The following SETD4 variants were observed in gnomAD, a reference collection of about 807,000 sequenced individuals.
The protein encoded by SETD4 is SET domain containing 4, also known as SET domain-containing protein 4.
A neutral mutation model predicts 58.3 loss-of-function variants in SETD4; 46 were observed. That is an observed-to-expected ratio of 0.79 (90% CI 0.62 to 1.01). SETD4 has a LOEUF of 1.01. Ranked by LOEUF, SETD4 falls within the 50% of genes least tolerant of loss-of-function variation. The probability of loss-of-function intolerance (pLI) is 0.00; values close to 1 mark genes in which losing one functional copy is unlikely to be tolerated. For synonymous variants in SETD4, 190 were observed against 202.6 expected, an observed-to-expected ratio of 0.94 and a Z score of 0.53; for missense variants, 490 against 523.3, an observed-to-expected ratio of 0.94 and a Z score of 0.62.
At chr21:36,050,663 A>G (rs1407181205) in intron 4 of SETD4, 4 of 1,601,086 alleles carry the variant, frequency 2.5e-6, no homozygotes, top group African/African-American at 1.3e-5. Flanking sequence ...ATGAAGCTCA[A>G]GTACCGGAGT....
chr21:36,054,932 T>C (rs2064909454), intron 3 of SETD4, among the ~76,000 whole-genome samples: 1 of 151,846 alleles, frequency 6.6e-6, no homozygotes, highest in African/African-American at 2.4e-5. Context: ...TCCTGGCTCA[T>C]GGTGGGAATT....
chr21:36,037,090 G>C (rs146636621), intron 10 of SETD4, among the ~76,000 whole-genome samples: 334 of 152,248 alleles, frequency 2.2e-3, no homozygotes, highest in African/African-American at 7.6e-3. Context: ...AGAGGATTAA[G>C]TTCAAGAGAT....
chr21:36,057,142 G>A lies in SETD4; in HGVS notation c.136C>T (p.Gln46Ter). The change falls in exon 3 of 12, where the codon CAA (glutamine) becomes TAA (stop). Residue 46 changes from glutamine (Q) to a stop codon, truncating the protein, a stop_gained. Coordinates refer to ENST00000332131, the MANE Select transcript of SETD4 (RefSeq NM_017438.5). LOFTEE classifies it high-confidence loss of function. ...LRKWLKARKFQDSNLAPACFP... is the reference protein window; with the variant it reads ...LRKWLKARKF Reference sequence around the variant, plus strand: ...CAAGCAGGCGCTAAGTTTGAATCTTGAAACTTCCTAGCTTTCAGCCACTTC... The same window carrying A: ...CAAGCAGGCGCTAAGTTTGAATCTTAAAACTTCCTAGCTTTCAGCCACTTC... 1.2e-6 allele frequency: 2 copies of A among 1,614,168 alleles called. No individual in the cohort carries two copies. The highest frequency in any genetic ancestry group is 2.2e-5 in the South Asian group (2 of 91,082).
chr21:36,055,666 C>G (rs1048881749), intron 3 of SETD4, among the ~76,000 whole-genome samples: 1 of 152,210 alleles, frequency 6.6e-6, no homozygotes, highest in Non-Finnish European at 1.5e-5. Flanking sequence ...GAAGCACTTA[C>G]AGAAGGTTCC....
At position 36,060,108 on chromosome 21, in the gene SETD4, T is replaced by A. The variant is rs1042628884; in HGVS notation, c.-37+239A>T. 3.4e-5 allele frequency: 34 copies of A among 985,578 alleles called. No homozygotes were observed. The East Asian group carries it at 3.2e-3, about 92-fold the overall frequency. 61.1% of individuals were successfully genotyped at this position (985,578 alleles called of 1,614,324 possible). A position where few individuals can be genotyped will look rare whatever the true frequency, so the allele number is the denominator to read the frequency against. ...AGGCCAGCCAGGCGAGCATCGGACC[T>A]CGGGCCTCAGGCTCCTCAGCTTTAC... is the stretch of plus-strand genomic sequence containing the variant. On this transcript the variant is annotated intron_variant, in intron 1 of 11. Coordinates refer to ENST00000332131, the MANE Select transcript of SETD4 (RefSeq NM_017438.5).
intron 4 of SETD4, chr21:36,051,114 G>A: frequency 7.0e-7 from 1 of 1,425,810 alleles, no homozygotes; most frequent in Non-Finnish European, 9.9e-7. Flanking sequence ...TGGTATCAGA[G>A]CAGACTATAC....
intron 4 of SETD4, chr21:36,050,389 T>G (rs2064601721): frequency 6.2e-7 from 1 of 1,614,106 alleles, no homozygotes. Flanking sequence ...AAAGGAAACT[T>G]GGGTCTGCGG....
chr21:36,050,086 T>A (rs2064569560), intron 4 of SETD4: 2 of 618,748 alleles, frequency 3.2e-6, no homozygotes, highest in Non-Finnish European at 2.9e-6. Context: ...GCACTCTAAC[T>A]CGGGGACAGA....
intron 4 of SETD4, among the ~76,000 whole-genome samples, chr21:36,051,807 AG>A (rs780753805): frequency 7.7e-4 from 118 of 152,350 alleles, no homozygotes; most frequent in Non-Finnish European, 1.6e-3. Context: ...CTTAAATTAC[AG>A]GAATTTTTGT....
intron 4 of SETD4, among the ~76,000 whole-genome samples, chr21:36,052,295 C>T (rs1013422477): frequency 1.3e-5 from 2 of 151,618 alleles, no homozygotes; most frequent in African/African-American, 4.8e-5. Flanking sequence ...GCTTGTAATC[C>T]CAACACTTTG....
chr21:36,059,957 C>A (rs2065207767), intron 1 of SETD4: 1 of 985,584 alleles, frequency 1.0e-6, no homozygotes, highest in Non-Finnish European at 1.2e-6. Context: ...TCCACCATCA[C>A]CCTGCTGAGG....
chr21:36,058,051 A>C (rs1332340480), intron 2 of SETD4, among the ~76,000 whole-genome samples: 4 of 152,388 alleles, frequency 2.6e-5, no homozygotes, highest in African/African-American at 9.6e-5. Flanking sequence ...CCAAACATTG[A>C]TATCCTACAG....
chr21:36,052,071 T>C (rs955215635), intron 4 of SETD4, among the ~76,000 whole-genome samples: 2 of 151,948 alleles, frequency 1.3e-5, no homozygotes, highest in Non-Finnish European at 2.9e-5. Flanking sequence ...CACGGCGTAA[T>C]AGAATTACAA....
intron 9 of SETD4, among the ~76,000 whole-genome samples, chr21:36,039,791 CA>C (rs1261468648): frequency 1.3e-5 from 2 of 152,198 alleles, no homozygotes; most frequent in Non-Finnish European, 2.9e-5. Flanking sequence ...AATTTTACTC[CA>C]AAAGTTCCTA....
At chr21:36,049,956 A>T (rs1015103723) in intron 4 of SETD4, among the ~76,000 whole-genome samples, 4 of 152,212 alleles carry the variant, frequency 2.6e-5, no homozygotes, top group African/African-American at 4.8e-5. Context: ...AATATTGTAC[A>T]ACAATATGAA....
At chr21:36,050,590 A>C in intron 4 of SETD4, 2 of 1,613,872 alleles carry the variant, frequency 1.2e-6, no homozygotes, top group Non-Finnish European at 1.7e-6. Context: ...TTGGCTGGCC[A>C]TGGTGTTCCT....
At chr21:36,059,853 G>A (rs2123812189) in intron 1 of SETD4, 6 of 985,484 alleles carry the variant, frequency 6.1e-6, no homozygotes, top group Middle Eastern at 5.2e-4. Flanking sequence ...AGCTCCAGAG[G>A]CGAACGGCGG....
chr21:36,045,232 G>C (rs896250585), intron 6 of SETD4, among the ~76,000 whole-genome samples: 5 of 152,180 alleles, frequency 3.3e-5, no homozygotes, highest in Non-Finnish European at 7.3e-5. Flanking sequence ...GTTTAAAAGG[G>C]ACGGGGCAGG....
At position 36,045,827 on chromosome 21, in the gene SETD4, C is replaced by A. The variant is rs1232058433; in HGVS notation, c.481G>T (p.Glu161Ter). 7 of 1,614,108 alleles carry A rather than the reference C, an allele frequency of 4.3e-6. No homozygotes were observed. Among genetic ancestry groups the A allele is most frequent in the Non-Finnish European group, 5.9e-6 (7 of 1,180,056 alleles). ...AACTCCTGCACGTGGGCTCTCTGCTCTTCAGCCTTTGCTTTTAAAGATTTG... is the reference window on the plus strand; with the variant it reads ...AACTCCTGCACGTGGGCTCTCTGCTATTCAGCCTTTGCTTTTAAAGATTTG... ...LPKSLKAKAEEQRAHVQEFFA... is the reference protein window; with the variant it reads ...LPKSLKAKAE Residue 161 changes from glutamate (E) to a stop codon, truncating the protein, a stop_gained, in exon 6 of 12, where the codon GAG becomes TAG. Transcript: ENST00000332131. LOFTEE classifies it high-confidence loss of function.
Sources: gnomAD v4.1 joint callset for allele counts (sites outside exome capture counted in the v4.1 genomes callset) on GRCh38, gnomAD v4.1.1 for gene constraint, MANE v1.5 for transcripts, NCBI Gene and HGNC (gene_info 2026-07-23, HGNC 2026-07-21) for gene names.